The following ALX4 variants were observed in gnomAD, a reference collection of about 807,000 sequenced individuals.
ALX4 encodes homeobox protein aristaless-like 4.
ALX4 carries 22 observed loss-of-function variants against 40.6 expected under a neutral mutation model. That is an observed-to-expected ratio of 0.54 (90% CI 0.39 to 0.77). The LOEUF (loss-of-function observed/expected upper bound fraction) is 0.77. Among genes scored for constraint, ALX4 ranks in the 30% least tolerant of loss-of-function variants. The pLI is 0.00. For missense variants in ALX4, 556 were observed against 564.8 expected (o/e 0.98, Z 0.16); for synonymous variants, 266 against 240.5 (o/e 1.11, Z -0.98).
At chr11:44,269,118 C>G (rs1216351743) in intron 2 of ALX4, among the ~76,000 whole-genome samples, 2 of 152,340 alleles carry the variant, frequency 1.3e-5, no homozygotes, top group African/African-American at 4.8e-5. Flanking sequence ...TTCCTAGGAA[C>G]CACTGCGAGG....
chr11:44,298,616 C>T (rs886347541), intron 1 of ALX4, among the ~76,000 whole-genome samples: 5 of 151,976 alleles, frequency 3.3e-5, no homozygotes, highest in Non-Finnish European at 4.4e-5. Flanking sequence ...TGGCTAGAGC[C>T]GACCCCGGGG....
chr11:44,303,259 C>CT (rs1009514172), intron 1 of ALX4, among the ~76,000 whole-genome samples: 1 of 152,238 alleles, frequency 6.6e-6, no homozygotes, highest in African/African-American at 2.4e-5. Flanking sequence ...AAAATCCACT[C>CT]TTAAAGAATC....
chr11:44,283,855 C>T (rs752744567), intron 1 of ALX4, among the ~76,000 whole-genome samples: 14 of 152,268 alleles, frequency 9.2e-5, no homozygotes, highest in Non-Finnish European at 1.6e-4. Context: ...TGGACCACCG[C>T]GCCAATATTA....
intron 1 of ALX4, among the ~76,000 whole-genome samples, chr11:44,285,964 C>T (rs1956336328): frequency 6.6e-6 from 1 of 152,204 alleles, no homozygotes; most frequent in Non-Finnish European, 1.5e-5. Context: ...GGAATTAATG[C>T]AAATGCCTGT....
At chr11:44,309,572 C>G in intron 1 of ALX4, 25 bp downstream of exon 1, 1 of 1,560,340 alleles carries the variant, frequency 6.4e-7, no homozygotes, top group East Asian at 2.4e-5. Flanking sequence ...GTCCCCAGCA[C>G]CAGGTGACCC....
At chr11:44,284,127 G>A (rs1296165121) in intron 1 of ALX4, among the ~76,000 whole-genome samples, 1 of 152,132 alleles carries the variant, frequency 6.6e-6, no homozygotes, top group African/African-American at 2.4e-5. Context: ...AAAAGAGGAA[G>A]GGAGTGGAGC....
intron 2 of ALX4, 28 bp downstream of exon 2, chr11:44,275,320 G>C (rs373163780): frequency 3.7e-6 from 6 of 1,613,238 alleles, no homozygotes; most frequent in Non-Finnish European, 5.1e-6. Context: ...TGCTTTACCA[G>C]CCTCACTCCC....
intron 2 of ALX4, among the ~76,000 whole-genome samples, chr11:44,274,845 G>A (rs950815446): frequency 6.6e-6 from 1 of 152,240 alleles, no homozygotes; most frequent in Non-Finnish European, 1.5e-5. Flanking sequence ...CTTCTCAGAG[G>A]AGGTATGAGT....
chr11:44,297,064 A>G (rs1471512222), intron 1 of ALX4, among the ~76,000 whole-genome samples: 4 of 147,896 alleles, frequency 2.7e-5, no homozygotes, highest in South Asian at 4.5e-4. Context: ...ACAGAGAGAG[A>G]GTAGAATAGA....
chr11:44,280,311 T>C (rs546723025), intron 1 of ALX4, among the ~76,000 whole-genome samples: 1 of 152,324 alleles, frequency 6.6e-6, no homozygotes, highest in Non-Finnish European at 1.5e-5. Context: ...GTCCAGGATC[T>C]GCCAGGAACT....
Position 44,267,590 on chromosome 11 carries a change from C to T in ALX4, c.810G>A (p.Arg270=). The T allele has an allele frequency of 1.2e-6, 2 of 1,614,188 alleles. No individual in the cohort carries two copies. The highest frequency in any genetic ancestry group is 1.7e-6 in the Non-Finnish European group (2 of 1,180,030). ...VWFQNRRAKW[R]KRERFGQMQQ... ...GCATCTGCCCAAAACGCTCCCGCTT[C>T]CTCCACTTGGCCCTTCGGTTCTGGA... The change falls in exon 3 of 4, where the codon AGG becomes AGA. Residue 270 remains arginine, a synonymous_variant. Coordinates refer to ENST00000652299, the MANE Select transcript of ALX4 (RefSeq NM_021926.4).
intron 1 of ALX4, among the ~76,000 whole-genome samples, chr11:44,277,383 G>A (rs1251731411): frequency 6.6e-6 from 1 of 152,184 alleles, no homozygotes; most frequent in African/African-American, 2.4e-5. Flanking sequence ...CTCGAGAACT[G>A]TATTCCTTGT....
At chr11:44,284,844 T>TA (rs1224590856) in intron 1 of ALX4, among the ~76,000 whole-genome samples, 4 of 152,212 alleles carry the variant, frequency 2.6e-5, no homozygotes, top group Non-Finnish European at 5.9e-5. Flanking sequence ...ATTACAAATG[T>TA]AATCTATGTT....
At chr11:44,291,611 G>A (rs1228857517) in intron 1 of ALX4, among the ~76,000 whole-genome samples, 2 of 152,008 alleles carry the variant, frequency 1.3e-5, no homozygotes, top group African/African-American at 4.8e-5. Flanking sequence ...CACTCTTGTT[G>A]TCCCGGCTGG....
At chr11:44,295,598 G>A (rs1956398459) in intron 1 of ALX4, among the ~76,000 whole-genome samples, 1 of 152,216 alleles carries the variant, frequency 6.6e-6, no homozygotes, top group South Asian at 2.1e-4. Flanking sequence ...TTCACTGGAT[G>A]GCCTAGGGTA....
chr11:44,282,940 T>A (rs943491012), intron 1 of ALX4, among the ~76,000 whole-genome samples: 1 of 152,076 alleles, frequency 6.6e-6, no homozygotes, highest in Admixed American at 6.6e-5. Flanking sequence ...CTCATAAAAG[T>A]ATATACCAAA....
intron 1 of ALX4, among the ~76,000 whole-genome samples, chr11:44,280,467 G>A (rs1956303222): frequency 6.6e-6 from 1 of 152,206 alleles, no homozygotes; most frequent in African/African-American, 2.4e-5. Flanking sequence ...GCCCAGCGTG[G>A]GTCCAGGCCA....
intron 2 of ALX4, among the ~76,000 whole-genome samples, chr11:44,274,017 A>G (rs950088796): frequency 6.6e-6 from 1 of 152,172 alleles, no homozygotes; most frequent in Non-Finnish European, 1.5e-5. Flanking sequence ...GCTCATGCCT[A>G]TAATTCTAGC....
intron 2 of ALX4, 30 bp from the exon 3 acceptor site, chr11:44,267,652 A>C: frequency 6.2e-7 from 1 of 1,613,898 alleles, no homozygotes. Flanking sequence ...CATTGTCACC[A>C]GGGTGAGATG....
Sources: allele counts gnomAD v4.1 joint callset (sites outside exome capture counted in the v4.1 genomes callset), GRCh38; gene constraint gnomAD v4.1.1; transcripts MANE v1.5; gene names NCBI Gene and HGNC (gene_info 2026-07-23, HGNC 2026-07-21).